LMO3: variants seen among roughly 807,000 people sequenced by gnomAD.
LMO3 encodes the protein LIM domain only protein 3.
A neutral mutation model predicts 15.8 loss-of-function variants in LMO3; 2 were observed. The ratio of observed to expected loss-of-function variants is 0.13; its 90% CI spans 0.05 to 0.40. The LOEUF is 0.40. Among genes scored for constraint, LMO3 ranks in the 10% least tolerant of loss-of-function variants. LMO3 has a pLI of 0.99. For synonymous variants in LMO3, 62 were observed against 63.8 expected, an observed-to-expected ratio of 0.97 and a Z score of 0.13; for missense variants, 86 against 182.2, an observed-to-expected ratio of 0.47 and a Z score of 3.04.
At chr12:16,572,361 T>G (rs1174635732) in intron 2 of LMO3, among the ~76,000 whole-genome samples, 1 of 135,556 alleles carries the variant, frequency 7.4e-6, no homozygotes, top group Non-Finnish European at 1.5e-5. Flanking sequence ...TTTTTTTTTT[T>G]GTAAAGAGCT....
At chr12:16,610,024 A>T (rs1944093592), upstream of LMO3, 1 of 151,426 alleles carries the variant, frequency 6.6e-6, no homozygotes, top group African/African-American at 2.4e-5. Context: ...CAAGGGAAGG[A>T]TGAGGTTGAT....
rs189055197 is a variant in LMO3 at position 16,584,005 on chromosome 12, A to G, written c.206+16650T>C. Among the ~76,000 whole-genome samples, 4 of 152,228 alleles carry G rather than the reference A, an allele frequency of 2.6e-5. No individual in the cohort carries two copies. The highest frequency in any genetic ancestry group is 4.4e-5 in the Non-Finnish European group (3 of 68,038). The stretch of plus-strand genomic sequence containing the variant: ...GATTCCTGAGATGAAATACTTTTCC[A>G]TAAGGAAAAGACACTGTATATAATT... On this transcript the variant is annotated intron_variant, in intron 2 of 3. Coordinates refer to ENST00000537304, the MANE Select transcript of LMO3 (RefSeq NM_018640.5). The surrounding 1 kb of genome is among the most constrained non-coding windows in gnomAD (Gnocchi z 5.2).
rs74063909 is a variant in LMO3 at position 16,568,207 on chromosome 12, C to A, written c.207-7669G>T. ...CTACACAAGACTTGTAAGAACCTAG[C>A]ATTACAGAAGAATCAAGTCAAGCTC... On this transcript the variant is annotated intron_variant, in intron 2 of 3. Transcript: ENST00000537304. 4.4e-3 allele frequency among the ~76,000 whole-genome samples: 677 copies of A among 152,186 alleles called. 3 individuals carry two copies. The highest frequency in any genetic ancestry group is 0.015 in the African/African-American group (630 of 41,512).
chr12:16,594,925 T>A (rs1330307677), intron 2 of LMO3, among the ~76,000 whole-genome samples: 1 of 151,604 alleles, frequency 6.6e-6, no homozygotes, highest in African/African-American at 2.4e-5. Flanking sequence ...GCTGGCTTAC[T>A]TTGATATAGT....
intron 3 of LMO3, among the ~76,000 whole-genome samples, chr12:16,553,026 GA>G (rs1942049635): frequency 6.6e-6 from 1 of 152,076 alleles, no homozygotes; most frequent in Admixed American, 6.6e-5. Context: ...TTGTGGCAAG[GA>G]GTAGAAATGA....
At chr12:16,574,000 C>T (rs943420327) in intron 2 of LMO3, 1 of 152,140 alleles carries the variant, frequency 6.6e-6, no homozygotes, top group Admixed American at 6.5e-5. Flanking sequence ...AGCATTACTC[C>T]ACTGCCTAAT....
chr12:16,606,118 T>C lies in LMO3; in HGVS notation c.-61A>G. The C allele has an allele frequency of 3.1e-6, 1 of 321,110 alleles. No individual in the cohort carries two copies. Among genetic ancestry groups the C allele is most frequent in the Non-Finnish European group, 5.7e-6 (1 of 175,622 alleles). 19.9% of individuals were successfully genotyped at this position (321,110 alleles called of 1,614,324 possible). A position where few individuals can be genotyped will look rare whatever the true frequency, so the allele number is the denominator to read the frequency against. ...GCCGTTCAGTAAGCACAGTGGCTGC[T>C]TTGTAGCGCTTCTCCTTGGGAAAGG... is the stretch of plus-strand genomic sequence containing the variant. On this transcript the variant is annotated 5_prime_UTR_variant, in exon 1 of 4. Transcript: ENST00000537304.
In LMO3 at chr12:16,600,702, G is replaced by A; in HGVS notation, c.159C>T (p.Thr53=). 6.2e-7 allele frequency: 1 copy of A among 1,614,112 alleles called. No homozygotes were observed. The highest frequency in any genetic ancestry group is 8.5e-7 in the Non-Finnish European group (1 of 1,179,996). Residue 53 remains threonine (T), a synonymous_variant, in exon 2 of 4, where the codon ACC becomes ACT. Coordinates refer to ENST00000537304, the MANE Select transcript of LMO3 (RefSeq NM_018640.5). ...CDCRLGEVGS[T]LYTKANLILC... is the part of the protein sequence containing the mutation. ...GGATAAGATTAGCTTTAGTGTACAG[G>A]GTGGAGCCCACCTCTCCCAAGCGAC...
At position 16,589,435 on chromosome 12, in the gene LMO3, T is replaced by TATA. The variant is rs1943422304; in HGVS notation, c.206+11219_206+11220insTAT. On this transcript the variant is annotated intron_variant, in intron 2 of 3. Coordinates refer to ENST00000537304, the MANE Select transcript of LMO3 (RefSeq NM_018640.5). The surrounding 1 kb of genome is among the most constrained non-coding windows in gnomAD (Gnocchi z 4.2). ...TGTGACTTCACAGTAAAAAATTAGG[T>TATA]CGTAGTGCAGATGAAAGCCTCCGTA... The TATA allele has an allele frequency of 1.3e-5, 2 of 151,996 alleles. No homozygotes were observed. The highest frequency in any genetic ancestry group is 4.8e-5 in the African/African-American group (2 of 41,398). The allele number at this position is 151,996 out of a possible 1,614,324, so 9.4% of individuals were successfully genotyped here.
In LMO3 at chr12:16,598,877, T is replaced by C. The variant is rs772515582; in HGVS notation, c.206+1778A>G. The C allele has an allele frequency of 1.8e-4, 44 of 241,702 alleles. No individual in the cohort carries two copies. Among genetic ancestry groups the C allele is most frequent in the Admixed American group, 1.5e-4 (3 of 19,844 alleles). 15.0% of individuals were successfully genotyped at this position (241,702 alleles called of 1,614,324 possible). Reference sequence around the variant, plus strand: ...TTGACATTCTTTCAAGTTTACTTAATTTTTGTCCTTTGGTTTATTAAAACA... The same window carrying C: ...TTGACATTCTTTCAAGTTTACTTAACTTTTGTCCTTTGGTTTATTAAAACA... On this transcript the variant is annotated intron_variant, in intron 2 of 3. Coordinates refer to ENST00000537304, the MANE Select transcript of LMO3 (RefSeq NM_018640.5). This position sits in a 1 kb window ranked among gnomAD's most constrained non-coding sequence, Gnocchi z 4.3.
Position 16,594,147 on chromosome 12 carries a change from T to A in LMO3, c.206+6508A>T, listed in dbSNP as rs1163373516. On this transcript the variant is annotated intron_variant, in intron 2 of 3. Transcript: ENST00000537304. ...AGTTTTAAAGCTTACCAAGCTATGG[T>A]GATTTGTTGGCTAAAGTCAATGATG... The A allele has an allele frequency of 6.5e-6, 10 of 1,532,400 alleles. No individual in the cohort carries two copies. In the East Asian group the frequency reaches 2.5e-4, roughly 38 times the overall value. The allele number at this position is 1,532,400 out of a possible 1,614,324, so 94.9% of individuals were successfully genotyped here.
In LMO3 at chr12:16,550,246, C is replaced by T. The variant is rs939141491; in HGVS notation, c.*976G>A. On this transcript the variant is annotated 3_prime_UTR_variant, in exon 4 of 4. Coordinates refer to ENST00000537304, the MANE Select transcript of LMO3 (RefSeq NM_018640.5). ...TTATTAAGCCATAAAGTTATGAAAC[C>T]CTCAGCTCTTGTGGAGAGATCTGGG... The T allele has an allele frequency of 5.3e-5, 8 of 152,244 alleles. No homozygotes were observed. The highest frequency in any genetic ancestry group is 1.9e-4 in the East Asian group (1 of 5,184). 9.4% of individuals were successfully genotyped at this position (152,244 alleles called of 1,614,324 possible).
intron 1 of LMO3, chr12:16,605,436 G>GGCCCCCCCCCCCCCCCCCCCCCCC (rs1943957949): frequency 2.8e-6 from 1 of 355,860 alleles, no homozygotes. Flanking sequence ...CTACCCGCCT[G>GGCCCCCCCCCCCCCCCCCCCCCCC]CCCCCCCCCC....
intron 2 of LMO3, among the ~76,000 whole-genome samples, chr12:16,565,985 T>C (rs1428987475): frequency 4.5e-4 from 1 of 2,228 alleles, no homozygotes; most frequent in Non-Finnish European, 1.0e-3. Flanking sequence ...AAATGTGCCA[T>C]ATATATATAT....
Position 16,560,460 on chromosome 12 carries a change from G to T in LMO3, c.285C>A (p.Asp95Glu), listed in dbSNP as rs1942360119. Residue 95 changes from aspartate (D) to glutamate (E), a missense_variant, in exon 3 of 4, where the codon GAC (aspartate) becomes GAA (glutamate). Asp to Glu is a conservative substitution (Grantham distance 45). Around this residue, in one of 3 missense-constraint regions of LMO3, gnomAD observed 51 missense variants for 140.3 expected, o/e 0.36. Coordinates refer to ENST00000537304, the MANE Select transcript of LMO3 (RefSeq NM_018640.5). The surrounding 1 kb of genome is among the most constrained non-coding windows in gnomAD (Gnocchi z 5.0). ...PAFEMVMRAKDNVYHLDCFAC... is the reference protein window; with the variant it reads ...PAFEMVMRAKENVYHLDCFAC... The stretch of plus-strand genomic sequence containing the variant: ...CAAAGCAGTCCAGGTGGTAAACATT[G>T]TCCTTGGCACGCATCACCATCTCAA... 2 of 1,613,892 alleles carry T rather than the reference G, an allele frequency of 1.2e-6. No homozygotes were observed. The highest frequency in any genetic ancestry group is 1.7e-6 in the Non-Finnish European group (2 of 1,179,882).
At position 16,551,679 on chromosome 12, in the gene LMO3, GATA is replaced by G. The variant is rs576752787; in HGVS notation, c.333-355_333-353del. ...CACCCATTAAAATAAAAGAAAGAATGATAATAATGTTTCACTGCAGTAATTATG... is the reference window on the plus strand; with the variant it reads ...CACCCATTAAAATAAAAGAAAGAATGATAATGTTTCACTGCAGTAATTATG... On this transcript the variant is annotated intron_variant, in intron 3 of 3. Coordinates refer to ENST00000537304, the MANE Select transcript of LMO3 (RefSeq NM_018640.5). Among the ~76,000 whole-genome samples, 15 of 151,514 alleles carry G rather than the reference GATA, an allele frequency of 9.9e-5. No homozygotes were observed. In the East Asian group the frequency reaches 2.9e-3, roughly 29 times the overall value.
At chr12:16,564,872 A>ACCT (rs1942537156) in intron 2 of LMO3, among the ~76,000 whole-genome samples, 1 of 152,134 alleles carries the variant, frequency 6.6e-6, no homozygotes, top group East Asian at 1.9e-4. Flanking sequence ...TGCAGCCTTG[A>ACCT]CCTCCTAGGC....
chr12:16,575,611 A>G lies in LMO3; in HGVS notation c.207-15073T>C, dbSNP rs546404318. On this transcript the variant is annotated intron_variant, in intron 2 of 3. Transcript: ENST00000537304. ...TTATTCATCCATTTTATGGATGAGGAAAATGAGGCATGCAGAATTATGTAA... is the reference window on the plus strand; with the variant it reads ...TTATTCATCCATTTTATGGATGAGGGAAATGAGGCATGCAGAATTATGTAA... Among the ~76,000 whole-genome samples, 149 of 152,274 alleles carry G rather than the reference A, an allele frequency of 9.8e-4. 1 individual carries two copies. In the South Asian group the frequency reaches 0.016, roughly 16 times the overall value.
In LMO3 at chr12:16,559,737, G is replaced by A. The variant is rs149625019; in HGVS notation, c.332+676C>T. 5.0e-3 allele frequency among the ~76,000 whole-genome samples: 762 copies of A among 151,874 alleles called. 8 individuals carry two copies. Among genetic ancestry groups the A allele is most frequent in the African/African-American group, 0.018 (741 of 41,406 alleles). On this transcript the variant is annotated intron_variant, in intron 3 of 3. Coordinates refer to ENST00000537304, the MANE Select transcript of LMO3 (RefSeq NM_018640.5). The surrounding 1 kb of genome is among the most constrained non-coding windows in gnomAD (Gnocchi z 4.1). The stretch of plus-strand genomic sequence containing the variant: ...AGGTGGAGGTGGGAGGATTGCTTGA[G>A]GCCAGGAGTTTGAGACCAGCCTGGG...
Sources: gnomAD v4.1 joint callset for allele counts (sites outside exome capture counted in the v4.1 genomes callset) on GRCh38, gnomAD v4.1.1 for gene constraint, gnomAD v4.1.1 regional missense constraint, Gnocchi (gnomAD v3.1) non-coding constraint, MANE v1.5 for transcripts, NCBI Gene and HGNC (gene_info 2026-07-23, HGNC 2026-07-21) for gene names.